Variants in PHACTR2 observed in about 807,000 individuals in gnomAD.
PHACTR2 encodes the protein phosphatase and actin regulator 2.
A neutral mutation model predicts 76.0 loss-of-function variants in PHACTR2; 30 were observed. The ratio of observed to expected loss-of-function variants is 0.39; its 90% CI spans 0.30 to 0.54. The LOEUF is 0.54. PHACTR2 is among the 20% of genes least tolerant of loss of function. PHACTR2 has a pLI of 0.61. For synonymous variants in PHACTR2, 292 were observed against 292.5 expected, an observed-to-expected ratio of 1.00 and a Z score of 0.02; for missense variants, 696 against 781.1, an observed-to-expected ratio of 0.89 and a Z score of 1.30.
intron 6 of PHACTR2, among the ~76,000 whole-genome samples, chr6:143,771,634 C>T (rs1582864598): frequency 6.6e-6 from 1 of 151,942 alleles, no homozygotes; most frequent in South Asian, 2.1e-4. Context: ...GACAAGGTCC[C>T]CTATGTTGCC....
At position 143,788,844 on chromosome 6, in the gene PHACTR2, C is replaced by T. The variant is rs992322468; in HGVS notation, c.1779C>T (p.Val593=). 4.3e-6 allele frequency: 7 copies of T among 1,613,798 alleles called. No homozygotes were observed. The highest frequency in any genetic ancestry group is 5.9e-6 in the Non-Finnish European group (7 of 1,179,716). ...TGCGATTTAACGAGTATGTAGAAGTCACGGATTCTCCTGACTATGACCGCC... is the reference window on the plus strand; with the variant it reads ...TGCGATTTAACGAGTATGTAGAAGTTACGGATTCTCCTGACTATGACCGCC... ...RILRFNEYVE[V]TDSPDYDRRA... The change falls in exon 11 of 13, where the codon GTC becomes GTT. Residue 593 remains valine, a synonymous_variant. Coordinates refer to ENST00000440869, the MANE Select transcript of PHACTR2 (RefSeq NM_001100164.2).
At chr6:143,576,068 C>T (rs1026367875) in intron 1 of PHACTR2, among the ~76,000 whole-genome samples, 4 of 152,232 alleles carry the variant, frequency 2.6e-5, no homozygotes, top group Non-Finnish European at 4.4e-5. Context: ...ACAGAACTAA[C>T]ATAGATGTTA....
rs1474705781 is a variant in PHACTR2 at position 143,679,592 on chromosome 6, A to G, written c.46+1383A>G. Among the ~76,000 whole-genome samples, 1 of 152,214 alleles carries G rather than the reference A, an allele frequency of 6.6e-6. No homozygotes were observed. Among genetic ancestry groups the G allele is most frequent in the Non-Finnish European group, 1.5e-5 (1 of 68,026 alleles). ...AAGATAGAATTAAATCTGTACTCCA[A>G]TACAAGAGTATACAGAAAGTATTGT... On this transcript the variant is annotated intron_variant, in intron 1 of 12. Coordinates refer to ENST00000440869, the MANE Select transcript of PHACTR2 (RefSeq NM_001100164.2). The surrounding 1 kb of genome is among the most constrained non-coding windows in gnomAD (Gnocchi z 4.6).
chr6:143,793,625 G>A lies in PHACTR2; in HGVS notation c.1845+4715G>A, dbSNP rs1231895236. 6.6e-6 allele frequency among the ~76,000 whole-genome samples: 1 copy of A among 152,060 alleles called. No individual in the cohort carries two copies. The highest frequency in any genetic ancestry group is 2.4e-5 in the African/African-American group (1 of 41,384). ...ATTTCTTTTAAATAGAAAAAATATT[G>A]GCCAGGCATGGTGGCTCATGCCTGT... On this transcript the variant is annotated intron_variant, in intron 11 of 12. Coordinates refer to ENST00000440869, the MANE Select transcript of PHACTR2 (RefSeq NM_001100164.2). This position sits in a 1 kb window ranked among gnomAD's most constrained non-coding sequence, Gnocchi z 4.4.
In PHACTR2 at chr6:143,683,745, T is replaced by C. The variant is rs1472141429; in HGVS notation, c.46+5536T>C. Among the ~76,000 whole-genome samples the C allele has an allele frequency of 6.6e-6, 1 of 152,212 alleles. No individual in the cohort carries two copies. The highest frequency in any genetic ancestry group is 6.5e-5 in the Admixed American group (1 of 15,288). On this transcript the variant is annotated intron_variant, in intron 1 of 12. Transcript: ENST00000440869. This position sits in a 1 kb window ranked among gnomAD's most constrained non-coding sequence, Gnocchi z 4.1. Reference sequence around the variant, plus strand: ...AGCTGATGGAGTTTGTTTTCTTTATTCCATAATATATACATGGTAGGAAGT... The same window carrying C: ...AGCTGATGGAGTTTGTTTTCTTTATCCCATAATATATACATGGTAGGAAGT...
intron 1 of PHACTR2, among the ~76,000 whole-genome samples, chr6:143,704,063 T>A (rs955473071): frequency 2.6e-5 from 3 of 113,472 alleles, no homozygotes; most frequent in African/African-American, 1.0e-4. Flanking sequence ...CACTTCATGG[T>A]AAGTCCATCA....
rs1019642495 is a variant in PHACTR2, at chr6:143,592,177, G to A, written c.217+54970G>A. Among the ~76,000 whole-genome samples the A allele has an allele frequency of 5.3e-5, 8 of 152,128 alleles. No homozygotes were observed. The highest frequency in any genetic ancestry group is 1.7e-4 in the African/African-American group (7 of 41,422). On this transcript the variant is annotated intron_variant, in intron 1 of 11. Coordinates refer to the PHACTR2 transcript ENST00000367584. The surrounding 1 kb of genome is among the most constrained non-coding windows in gnomAD (Gnocchi z 4.0). The stretch of plus-strand genomic sequence containing the variant: ...TTAAGGCTGGAGGATAGAACATATG[G>A]TAACTAATAGTTCGTTAGCTTGATT...
rs1775123404 is a variant in PHACTR2, at chr6:143,553,577, C to T, written c.217+16370C>T. 6.6e-6 allele frequency among the ~76,000 whole-genome samples: 1 copy of T among 152,126 alleles called. No individual in the cohort carries two copies. The highest frequency in any genetic ancestry group is 1.5e-5 in the Non-Finnish European group (1 of 68,030). ...AATTATTTTGACAGTTTTGAGTTTT[C>T]TCAGACAGGCACTTTAAGGTGAGTT... On this transcript the variant is annotated intron_variant, in intron 1 of 11. Coordinates refer to the PHACTR2 transcript ENST00000367584. This position sits in a 1 kb window ranked among gnomAD's most constrained non-coding sequence, Gnocchi z 4.2.
chr6:143,724,901 G>A (rs547132744), intron 2 of PHACTR2, among the ~76,000 whole-genome samples: 1 of 152,220 alleles, frequency 6.6e-6, no homozygotes, highest in South Asian at 2.1e-4. Context: ...GACAGCTCCA[G>A]TGTGGACTCC....
rs1236637321 is a variant in PHACTR2, at chr6:143,750,969, A to G, written c.295+1904A>G. On this transcript the variant is annotated intron_variant, in intron 3 of 12. Coordinates refer to ENST00000440869, the MANE Select transcript of PHACTR2 (RefSeq NM_001100164.2). This position sits in a 1 kb window ranked among gnomAD's most constrained non-coding sequence, Gnocchi z 4.6. ...GAAGGTTCCTGAGGATGTCAGTAGT[A>G]AATGGAGTCCTTCCCCTTTTCAGCT... 1.3e-5 allele frequency among the ~76,000 whole-genome samples: 2 copies of G among 152,228 alleles called. No homozygotes were observed. The highest frequency in any genetic ancestry group is 2.9e-5 in the Non-Finnish European group (2 of 68,036).
At chr6:143,759,642 A>AT (rs1284649173) in intron 4 of PHACTR2, among the ~76,000 whole-genome samples, 12 of 139,310 alleles carry the variant, frequency 8.6e-5, no homozygotes, top group South Asian at 4.6e-4. Context: ...AAAAAAAAAA[A>AT]TTTTTTTTTT....
intron 7 of PHACTR2, 115 bp from the exon 8 acceptor site, chr6:143,773,944 G>A (rs1023178045): frequency 1.4e-6 from 1 of 727,342 alleles, no homozygotes; most frequent in Non-Finnish European, 2.2e-6. Context: ...TTCTCCTCCT[G>A]CATGAGGAGA....
At chr6:143,778,769 G>A (rs1489368024) in intron 9 of PHACTR2, among the ~76,000 whole-genome samples, 1 of 152,158 alleles carries the variant, frequency 6.6e-6, no homozygotes, top group African/African-American at 2.4e-5. Context: ...TGTCTTACTG[G>A]ATGCCTGATC....
intron 1 of PHACTR2, among the ~76,000 whole-genome samples, chr6:143,575,940 A>G (rs1582680786): frequency 6.6e-6 from 1 of 152,236 alleles, no homozygotes; most frequent in South Asian, 2.1e-4. Context: ...AGTTTTTTAG[A>G]AACTTTTTAA....
At chr6:143,629,947 A>G (rs368556927) in intron 1 of PHACTR2, among the ~76,000 whole-genome samples, 10 of 152,218 alleles carry the variant, frequency 6.6e-5, no homozygotes, top group African/African-American at 1.9e-4. Flanking sequence ...TGAGCAGATG[A>G]TGTGATCCAA....
rs1209840876 is a variant in PHACTR2 at position 143,647,017 on chromosome 6, T to G, written c.13+38695T>G. On this transcript the variant is annotated intron_variant, in intron 1 of 11. Coordinates refer to the PHACTR2 transcript ENST00000305766. This position sits in a 1 kb window ranked among gnomAD's most constrained non-coding sequence, Gnocchi z 4.2. ...GTATTTTTAGCAAGGCTCTAAAGAT[T>G]AAGTCTTCACCTTGCTGTCAGCAGT... Among the ~76,000 whole-genome samples, 1 of 152,206 alleles carries G rather than the reference T, an allele frequency of 6.6e-6. No individual in the cohort carries two copies. Among genetic ancestry groups the G allele is most frequent in the East Asian group, 1.9e-4 (1 of 5,204 alleles).
chr6:143,579,286 A>G (rs66648313), intron 1 of PHACTR2, among the ~76,000 whole-genome samples: 45,072 of 151,980 alleles, frequency 0.3, 6,767 homozygotes, highest in Middle Eastern at 0.41. Context: ...GAGGAGGGAA[A>G]GTGTGGGGGA....
chr6:143,723,187 C>T (rs957503380), intron 2 of PHACTR2, among the ~76,000 whole-genome samples: 1 of 152,140 alleles, frequency 6.6e-6, no homozygotes, highest in Admixed American at 6.6e-5. Flanking sequence ...GTTGAAATGG[C>T]TTTTCCCATT....
intron 1 of PHACTR2, among the ~76,000 whole-genome samples, chr6:143,620,289 T>G (rs1400729977): frequency 6.6e-6 from 1 of 152,166 alleles, no homozygotes; most frequent in Non-Finnish European, 1.5e-5. Flanking sequence ...GTGGGCTTTG[T>G]CTTTAGCTGT....
Sources: gnomAD v4.1 joint callset for allele counts (sites outside exome capture counted in the v4.1 genomes callset) on GRCh38, gnomAD v4.1.1 for gene constraint, Gnocchi (gnomAD v3.1) non-coding constraint, MANE v1.5 for transcripts, NCBI Gene and HGNC (gene_info 2026-07-23, HGNC 2026-07-21) for gene names.